SLX4: variants seen among roughly 807,000 people sequenced by gnomAD.
SLX4 encodes SLX4 structure-specific endonuclease subunit, also known as structure-specific endonuclease subunit SLX4.
In SLX4, 112 loss-of-function variants were observed where a neutral mutation model predicts 146.2. The observed-to-expected ratio is 0.77, with a 90% CI of 0.66 to 0.90. The LOEUF is 0.90. Among genes scored for constraint, SLX4 ranks in the 40% least tolerant of loss-of-function variants. The pLI is 0.00. For missense variants in SLX4, 2,563 were observed against 2,392.7 expected (o/e 1.07, Z -1.49); for synonymous variants, 1,061 against 997.7 (o/e 1.06, Z -1.20).
Position 3,609,301 on chromosome 16 carries a change from G to C in SLX4, c.-337C>G, listed in dbSNP as rs542976888. On this transcript the variant is annotated 5_prime_UTR_variant, in exon 2 of 15. Transcript: ENST00000294008. ...CAGATGCCTGTAATCCCAGCTACTC[G>C]GGAGGCAGAGGCAAGAGAATCGCTT... 1.1e-4 allele frequency: 31 copies of C among 275,902 alleles called. 2 individuals carry two copies. The South Asian group carries it at 1.2e-3, about 11-fold the overall frequency. The allele number at this position is 275,902 out of a possible 1,614,324, so 17.1% of individuals were successfully genotyped here.
At position 3,582,101 on chromosome 16, in the gene SLX4, G is replaced by T; in HGVS notation, c.*241C>A. 1.7e-6 allele frequency: 1 copy of T among 585,990 alleles called. No homozygotes were observed. Among genetic ancestry groups the T allele is most frequent in the Non-Finnish European group, 3.0e-6 (1 of 329,010 alleles). The allele number at this position is 585,990 out of a possible 1,614,324, so 36.3% of individuals were successfully genotyped here. On this transcript the variant is annotated 3_prime_UTR_variant, in exon 15 of 15. Transcript: ENST00000294008. ...CACACTGTGAGCACGGACAGAGGAA[G>T]GGGCTGGAGTCTGTAAATCCAGTGG...
Position 3,589,379 on chromosome 16 carries a change from G to T in SLX4, c.4259C>A (p.Pro1420Gln). Residue 1420 changes from proline (P) to glutamine (Q), a missense_variant, in exon 12 of 15, where the codon CCA becomes CAA. By Grantham distance (76) the Pro-to-Gln change is moderately conservative. Transcript: ENST00000294008. The surrounding 1 kb of genome is among the most constrained non-coding windows in gnomAD (Gnocchi z 6.2). ...NRSPPLDSDP[P>Q]IPIDDCCWHM... ...CCAGCAGCAGTCGTCAATTGGAATT[G>T]GGGGGTCACTGTCCAGTGGGGGGCT... is the stretch of plus-strand genomic sequence containing the variant. 6.3e-7 allele frequency: 1 copy of T among 1,591,972 alleles called. No individual in the cohort carries two copies.
At position 3,591,321 on chromosome 16, in the gene SLX4, A is replaced by T. The variant is rs1390856264; in HGVS notation, c.2328-11T>A. On this transcript the variant is annotated splice_polypyrimidine_tract_variant and intron_variant, in intron 11 of 14. Coordinates refer to ENST00000294008, the MANE Select transcript of SLX4 (RefSeq NM_032444.4). ...TCACTCACGCCAAACCTGCAACACG[A>T]AACATCGACAGTCATCGCCCCTCTG... 1.2e-6 allele frequency: 2 copies of T among 1,609,140 alleles called. No individual in the cohort carries two copies. The highest frequency in any genetic ancestry group is 2.7e-5 in the African/African-American group (2 of 74,896).
intron 9 of SLX4, 104 bp downstream of exon 9, chr16:3,595,501 G>T: frequency 7.8e-7 from 1 of 1,282,494 alleles, no homozygotes; most frequent in Non-Finnish European, 1.1e-6. Context: ...AGAGGCCACT[G>T]CACTTGCGTT....
intron 4 of SLX4, chr16:3,601,484 C>T (rs752084570): frequency 5.2e-5 from 24 of 458,738 alleles, no homozygotes; most frequent in Non-Finnish European, 9.6e-5. Context: ...GGTACCCAAA[C>T]AAATACATGA....
intron 4 of SLX4, 86 bp from the exon 5 acceptor site, chr16:3,601,277 G>A: frequency 3.5e-6 from 5 of 1,419,192 alleles, no homozygotes; most frequent in Non-Finnish European, 3.0e-6. Context: ...ACACAGACGT[G>A]CTGTGGTCAA....
At chr16:3,604,924 A>ATTT (rs544664658) in intron 3 of SLX4, among the ~76,000 whole-genome samples, 1 of 133,870 alleles carries the variant, frequency 7.5e-6, no homozygotes, top group Admixed American at 7.6e-5. Context: ...ATTCATTGTA[A>ATTT]TTTTTTTTTT....
intron 5 of SLX4, among the ~76,000 whole-genome samples, chr16:3,599,236 C>T (rs1404386466): frequency 2.0e-5 from 3 of 152,216 alleles, no homozygotes; most frequent in African/African-American, 7.2e-5. Context: ...TCTGCCATCT[C>T]AGCCCCGAGC....
Position 3,583,426 on chromosome 16 carries a change from T to G in SLX4, c.4824A>C (p.Ser1608=). The change falls in exon 14 of 15, where the codon TCA becomes TCC. Residue 1608 remains serine, a synonymous_variant. Coordinates refer to ENST00000294008, the MANE Select transcript of SLX4 (RefSeq NM_032444.4). Reference sequence around the variant, plus strand: ...AGGACTGGCTCTCGTCCTCGGAGTCTGAGTCCAGGGTCTGGTGAGTGTACT... The same window carrying G: ...AGGACTGGCTCTCGTCCTCGGAGTCGGAGTCCAGGGTCTGGTGAGTGTACT... ...IFQYTHQTLD[S]DSEDESQSSQ... The G allele has an allele frequency of 6.2e-7, 1 of 1,613,968 alleles. No individual in the cohort carries two copies. The highest frequency in any genetic ancestry group is 8.5e-7 in the Non-Finnish European group (1 of 1,179,880).
At chr16:3,599,714 G>A (rs1025949290) in intron 5 of SLX4, among the ~76,000 whole-genome samples, 4 of 151,976 alleles carry the variant, frequency 2.6e-5, no homozygotes, top group Non-Finnish European at 4.4e-5. Context: ...AGCCTCCCAC[G>A]TAGCTGGGAC....
chr16:3,588,232 C>T (rs1211651231), intron 12 of SLX4, among the ~76,000 whole-genome samples: 2 of 152,230 alleles, frequency 1.3e-5, no homozygotes, highest in Non-Finnish European at 2.9e-5. Flanking sequence ...GCAGTCACTC[C>T]CCATTCCCCC....
Position 3,584,783 on chromosome 16 carries a change from C to G in SLX4, c.4725G>C (p.Lys1575Asn). The G allele has an allele frequency of 6.2e-7, 1 of 1,613,802 alleles. No homozygotes were observed. The highest frequency in any genetic ancestry group is 8.5e-7 in the Non-Finnish European group (1 of 1,179,654). The part of the protein sequence containing the change: ...QYSIMETPVL[K>N]KELDRFGVRP... Reference sequence around the variant, plus strand: ...AGACCGCCAACCTATCCAGTTCCTTCTTCAGCACCGGCGTCTCCATAATGG... The same window carrying G: ...AGACCGCCAACCTATCCAGTTCCTTGTTCAGCACCGGCGTCTCCATAATGG... The change falls in exon 13 of 15, where the codon AAG (lysine) becomes AAC (asparagine). Residue 1575 changes from lysine to asparagine, a missense_variant. By Grantham distance (94) the Lys-to-Asn change is moderately conservative. Transcript: ENST00000294008.
rs138512851 is a variant in SLX4 at position 3,608,500 on chromosome 16, T to C, written c.465A>G (p.Glu155=). The C allele has an allele frequency of 4.2e-4, 672 of 1,614,124 alleles. 1 individual carries two copies. The highest frequency in any genetic ancestry group is 5.4e-4 in the Non-Finnish European group (642 of 1,180,056). Reference sequence around the variant, plus strand: ...TACCCGTCTGGGTGTTTTGTGCTGTTTCCCGGAGCACAGGTGGATCTGGAG... The same window carrying C: ...TACCCGTCTGGGTGTTTTGTGCTGTCTCCCGGAGCACAGGTGGATCTGGAG... ...ASAPDPPVLR[E]TAQNTQTGNQ... Residue 155 remains glutamate, a synonymous_variant, in exon 2 of 15, where the codon GAA becomes GAG. Transcript: ENST00000294008.
rs2040738099 is a variant in SLX4, at chr16:3,602,373, C to T, written c.761-66G>A. 11 of 1,574,882 alleles carry T rather than the reference C, an allele frequency of 7.0e-6. No individual in the cohort carries two copies. In the Admixed American group the frequency reaches 1.7e-4, roughly 24 times the overall value. Reference sequence around the variant, plus strand: ...AGACAAGCTCACCCTCAGACCTCTGCTCTGTCAGCTCCTGCAGACCATGGG... The same window carrying T: ...AGACAAGCTCACCCTCAGACCTCTGTTCTGTCAGCTCCTGCAGACCATGGG... On this transcript the variant is annotated intron_variant, in intron 3 of 14. Transcript: ENST00000294008.
rs771200478 is a variant in SLX4, at chr16:3,583,394, G to A, written c.4856C>T (p.Pro1619Leu). 5.6e-5 allele frequency: 90 copies of A among 1,613,140 alleles called. No individual in the cohort carries two copies. In the East Asian group the frequency reaches 9.6e-4, roughly 17 times the overall value. ...DSEDESQSSQPLLQAPHCQTL... is the reference protein window; with the variant it reads ...DSEDESQSSQLLLQAPHCQTL... ...CTGGCAGTGAGGCGCCTGCAACAGC[G>A]GCTGTGAGGACTGGCTCTCGTCCTC... The change falls in exon 14 of 15, where the codon CCG (proline) becomes CTG (leucine). Residue 1619 changes from proline (P) to leucine (L), a missense_variant. Coordinates refer to ENST00000294008, the MANE Select transcript of SLX4 (RefSeq NM_032444.4).
chr16:3,593,965 A>G (rs1311595622), intron 10 of SLX4, among the ~76,000 whole-genome samples: 1 of 152,078 alleles, frequency 6.6e-6, no homozygotes, highest in Non-Finnish European at 1.5e-5. Context: ...TCCGCCTCCC[A>G]GGTTCATGCC....
Position 3,596,109 on chromosome 16 carries a change from C to G in SLX4, c.1924+44G>C, listed in dbSNP as rs2240884. 2.5e-4 allele frequency: 381 copies of G among 1,536,440 alleles called. 9 individuals are homozygous for G. In the East Asian group the frequency reaches 9.1e-3, roughly 37 times the overall value. On this transcript the variant is annotated intron_variant, in intron 8 of 14. Coordinates refer to ENST00000294008, the MANE Select transcript of SLX4 (RefSeq NM_032444.4). ...AGCCTCAGCCGCGGGGAGGGGAGGC[C>G]CGGGAGGGCAGGGCTGGCCCTAGAG...
At chr16:3,608,286 A>AT in intron 2 of SLX4, 144 bp downstream of exon 2, 1 of 864,302 alleles carries the variant, frequency 1.2e-6, no homozygotes, top group Non-Finnish European at 1.9e-6. Flanking sequence ...GTTCATTTAC[A>AT]TATTGTCCAC....
In SLX4 at chr16:3,590,589, C is replaced by T. The variant is rs2040574889; in HGVS notation, c.3049G>A (p.Glu1017Lys). 1 of 1,613,478 alleles carries T rather than the reference C, an allele frequency of 6.2e-7. No individual in the cohort carries two copies. The highest frequency in any genetic ancestry group is 8.5e-7 in the Non-Finnish European group (1 of 1,179,538). The part of the protein sequence containing the change: ...QSGAVRERGL[E>K]VSHRLAPWQA... Reference sequence around the variant, plus strand: ...CAGGGAGCCAGGCGATGAGAAACCTCCAGCCCCCTTTCCCTGACAGCGCCA... The same window carrying T: ...CAGGGAGCCAGGCGATGAGAAACCTTCAGCCCCCTTTCCCTGACAGCGCCA... The change falls in exon 12 of 15, where the codon GAG becomes AAG. Residue 1017 changes from glutamate to lysine, a missense_variant. Transcript: ENST00000294008. The surrounding 1 kb of genome is among the most constrained non-coding windows in gnomAD (Gnocchi z 4.8).
Sources: gnomAD v4.1 joint callset for allele counts (sites outside exome capture counted in the v4.1 genomes callset) on GRCh38, gnomAD v4.1.1 for gene constraint, Gnocchi (gnomAD v3.1) non-coding constraint, MANE v1.5 for transcripts, NCBI Gene and HGNC (gene_info 2026-07-23, HGNC 2026-07-21) for gene names.